The following MAGI2 variants were observed in gnomAD, a reference collection of about 807,000 sequenced individuals.
MAGI2 encodes the protein membrane-associated guanylate kinase, WW and PDZ domain-containing protein 2.
In MAGI2, 35 loss-of-function variants were observed where a neutral mutation model predicts 133.3. The ratio of observed to expected loss-of-function variants is 0.26; its 90% CI spans 0.20 to 0.35. The LOEUF is 0.35. Among genes scored for constraint, MAGI2 ranks in the 10% least tolerant of loss-of-function variants. The probability of loss-of-function intolerance (pLI) is 1.00; values close to 1 mark genes in which losing one functional copy is unlikely to be tolerated. For missense variants in MAGI2, 1,636 were observed against 1,863.4 expected (o/e 0.88, Z 2.25); for synonymous variants, 729 against 710.6 (o/e 1.03, Z -0.41).
chr7:78,294,607 T>C (rs768954115), intron 9 of MAGI2, among the ~76,000 whole-genome samples: 3 of 152,156 alleles, frequency 2.0e-5, no homozygotes, highest in Non-Finnish European at 4.4e-5. Context: ...ACTTAGCAAA[T>C]AGAGTCTCTC....
chr7:79,416,422 C>A (rs1469969338), intron 1 of MAGI2, among the ~76,000 whole-genome samples: 1 of 151,972 alleles, frequency 6.6e-6, no homozygotes, highest in Non-Finnish European at 1.5e-5. Flanking sequence ...ATTTACAAAA[C>A]ATCTTTAAGA....
At chr7:78,169,376 G>C (rs914846241) in intron 14 of MAGI2, among the ~76,000 whole-genome samples, 1 of 147,180 alleles carries the variant, frequency 6.8e-6, no homozygotes. Flanking sequence ...TAAATCCCTT[G>C]CTTCCAGATT....
At chr7:78,221,034 T>G (rs544369614) in intron 10 of MAGI2, among the ~76,000 whole-genome samples, 35 of 152,206 alleles carry the variant, frequency 2.3e-4, no homozygotes, top group Non-Finnish European at 4.1e-4. Flanking sequence ...GTTTCTTCCT[T>G]GGCTCACTAT....
At chr7:78,422,027 G>C (rs1252959914) in intron 6 of MAGI2, among the ~76,000 whole-genome samples, 4 of 152,124 alleles carry the variant, frequency 2.6e-5, no homozygotes, top group Non-Finnish European at 5.9e-5. Flanking sequence ...GAAATATGTT[G>C]GGCCAATTTC....
At chr7:78,739,549 C>G (rs573512383) in intron 2 of MAGI2, among the ~76,000 whole-genome samples, 99 of 152,164 alleles carry the variant, frequency 6.5e-4, no homozygotes, top group African/African-American at 2.2e-3. Context: ...GTAGGAAACA[C>G]GAGCACATGA....
rs569516543 is a variant in MAGI2, at chr7:78,596,423, T to C, written c.538+30697A>G. 2.0e-4 allele frequency among the ~76,000 whole-genome samples: 30 copies of C among 152,252 alleles called. No homozygotes were observed. The South Asian group carries it at 3.3e-3, about 17-fold the overall frequency. The stretch of plus-strand genomic sequence containing the variant: ...AGTCCTCTGGCCCCAAGAGCTTCTA[T>C]CCTGAAGGAAAAAAACATGCAAAAT... On this transcript the variant is annotated intron_variant, in intron 3 of 21. Transcript: ENST00000354212.
rs1466025935 is a variant in MAGI2, at chr7:78,682,852, TG to T, written c.419-55614del. On this transcript the variant is annotated intron_variant, in intron 2 of 21. Transcript: ENST00000354212. ...TAAGGGTAACTTTTCCTTTTCTTTATGGGTATTAAAACAAAAGGGAGACGAT... is the reference window on the plus strand; with the variant it reads ...TAAGGGTAACTTTTCCTTTTCTTTATGGTATTAAAACAAAAGGGAGACGAT... Among the ~76,000 whole-genome samples the T allele has an allele frequency of 4.6e-5, 7 of 152,312 alleles. No homozygotes were observed. In the East Asian group the frequency reaches 9.7e-4, roughly 21 times the overall value.
intron 1 of MAGI2, among the ~76,000 whole-genome samples, chr7:79,060,792 A>G (rs774850597): frequency 3.9e-5 from 6 of 152,094 alleles, no homozygotes; most frequent in Non-Finnish European, 7.4e-5. Context: ...TGAATGATGT[A>G]GCTATTTTGG....
intron 16 of MAGI2, among the ~76,000 whole-genome samples, chr7:78,137,113 T>C (rs987492): frequency 0.12 from 18,791 of 152,218 alleles, 1,415 homozygotes; most frequent in South Asian, 0.18. Flanking sequence ...AAAAAAATGA[T>C]GTAGGCATTG....
intron 2 of MAGI2, among the ~76,000 whole-genome samples, chr7:78,889,788 A>G (rs1216335569): frequency 6.6e-6 from 1 of 152,232 alleles, no homozygotes; most frequent in Non-Finnish European, 1.5e-5. Flanking sequence ...CAAATTGTGA[A>G]GACCATTGAG....
At chr7:78,160,742 A>C (rs1824893647) in intron 15 of MAGI2, among the ~76,000 whole-genome samples, 1 of 152,238 alleles carries the variant, frequency 6.6e-6, no homozygotes, top group African/African-American at 2.4e-5. Context: ...AGGTCTGGGC[A>C]CAAGAATCTG....
intron 2 of MAGI2, among the ~76,000 whole-genome samples, chr7:78,924,409 T>C (rs1041842139): frequency 4.6e-5 from 7 of 152,154 alleles, no homozygotes; most frequent in African/African-American, 1.7e-4. Flanking sequence ...CATGAAGTGT[T>C]GTTGAATTTT....
At chr7:78,945,540 T>C (rs952153811) in intron 2 of MAGI2, among the ~76,000 whole-genome samples, 2 of 152,188 alleles carry the variant, frequency 1.3e-5, no homozygotes, top group South Asian at 2.1e-4. Context: ...TTTTCAAGAA[T>C]ACAATATAAC....
At chr7:78,957,908 C>A (rs1305017866) in intron 2 of MAGI2, among the ~76,000 whole-genome samples, 1 of 152,108 alleles carries the variant, frequency 6.6e-6, no homozygotes, top group East Asian at 1.9e-4. Flanking sequence ...CCACAATTAC[C>A]AAAAAATCTT....
At chr7:79,118,812 T>C (rs1374477906) in intron 1 of MAGI2, among the ~76,000 whole-genome samples, 1 of 152,122 alleles carries the variant, frequency 6.6e-6, no homozygotes, top group Non-Finnish European at 1.5e-5. Flanking sequence ...AGCTTCTGAA[T>C]TGGCTTCAGG....
Position 78,534,402 on chromosome 7 carries a change from C to T in MAGI2, c.539-12757G>A, listed in dbSNP as rs142614273. ...ATTGCTCCAATGTTCTTAAACTTGT[C>T]CTAAGTAATTTTCTAAAAGCCAAAT... is the stretch of plus-strand genomic sequence containing the variant. On this transcript the variant is annotated intron_variant, in intron 3 of 21. Coordinates refer to ENST00000354212, the MANE Select transcript of MAGI2 (RefSeq NM_012301.4). Among the ~76,000 whole-genome samples the T allele has an allele frequency of 1.5e-4, 23 of 152,280 alleles. No homozygotes were observed. In the East Asian group the frequency reaches 3.9e-3, roughly 26 times the overall value.
chr7:79,243,102 G>C (rs1459489342), intron 1 of MAGI2, among the ~76,000 whole-genome samples: 2 of 151,344 alleles, frequency 1.3e-5, no homozygotes, highest in East Asian at 3.9e-4. Flanking sequence ...TGTAATCCCG[G>C]GCAACAGAGC....
At chr7:79,225,757 G>A (rs1830796456) in intron 1 of MAGI2, among the ~76,000 whole-genome samples, 1 of 152,174 alleles carries the variant, frequency 6.6e-6, no homozygotes, top group Non-Finnish European at 1.5e-5. Context: ...ATTGGTCAAT[G>A]AGACATTTAG....
At chr7:79,137,026 T>C (rs1250539517) in intron 1 of MAGI2, among the ~76,000 whole-genome samples, 1 of 152,054 alleles carries the variant, frequency 6.6e-6, no homozygotes, top group Non-Finnish European at 1.5e-5. Context: ...AGTTTTGCTC[T>C]TGTTGCCCAG....
Sources: allele counts gnomAD v4.1 joint callset (sites outside exome capture counted in the v4.1 genomes callset), GRCh38; gene constraint gnomAD v4.1.1; transcripts MANE v1.5; gene names NCBI Gene and HGNC (gene_info 2026-07-23, HGNC 2026-07-21).